Variants in PCID2 observed in about 807,000 individuals in gnomAD.
PCID2 encodes the protein PCI domain containing 2.
Under a neutral mutation model 61.3 loss-of-function variants are expected in PCID2, and 41 were observed. That is an observed-to-expected ratio of 0.67 (90% CI 0.52 to 0.87). The LOEUF (loss-of-function observed/expected upper bound fraction) is 0.87. Among genes scored for constraint, PCID2 ranks in the 40% least tolerant of loss-of-function variants. PCID2 has a pLI of 0.00. For missense variants in PCID2, 392 were observed against 493.4 expected, an observed-to-expected ratio of 0.79 and a Z score of 1.95; for synonymous variants, 187 against 177.8, an observed-to-expected ratio of 1.05 and a Z score of -0.41.
chr13:113,190,035 A>G (rs2038472764), intron 7 of PCID2, among the ~76,000 whole-genome samples: 1 of 151,922 alleles, frequency 6.6e-6, no homozygotes, highest in Admixed American at 6.6e-5. Context: ...AAAAAAAAAA[A>G]GATTAAAAAA....
intron 1 of PCID2, among the ~76,000 whole-genome samples, chr13:113,201,074 G>T (rs187282820): frequency 6.6e-6 from 1 of 152,178 alleles, no homozygotes; most frequent in East Asian, 1.9e-4. Context: ...CAAATATACA[G>T]CTTATGAAAA....
intron 9 of PCID2, among the ~76,000 whole-genome samples, chr13:113,182,848 C>A (rs1472613327): frequency 6.6e-6 from 1 of 152,098 alleles, no homozygotes; most frequent in Non-Finnish European, 1.5e-5. Flanking sequence ...TTTGAGGGAA[C>A]CTAAGTCATT....
At chr13:113,201,277 A>C (rs2039407460) in intron 1 of PCID2, among the ~76,000 whole-genome samples, 1 of 151,928 alleles carries the variant, frequency 6.6e-6, no homozygotes, top group African/African-American at 2.4e-5. Flanking sequence ...ATGATGATTA[A>C]ATGAAAAAAA....
At chr13:113,201,111 T>C (rs557389320) in intron 1 of PCID2, among the ~76,000 whole-genome samples, 29 of 152,048 alleles carry the variant, frequency 1.9e-4, no homozygotes, top group African/African-American at 7.0e-4. Flanking sequence ...ACCACATATA[T>C]CCAAAATTCA....
intron 7 of PCID2, chr13:113,186,182 G>A (rs1175543484): frequency 6.6e-6 from 1 of 152,540 alleles, no homozygotes; most frequent in Non-Finnish European, 1.5e-5. Flanking sequence ...GAACAGGCAG[G>A]AAGCAACCCA....
chr13:113,187,657 A>G (rs1377299241), intron 7 of PCID2: 3 of 152,020 alleles, frequency 2.0e-5, no homozygotes, highest in Non-Finnish European at 2.9e-5. Flanking sequence ...TGTTTGGAAG[A>G]TTTTTCAAAT....
At position 113,208,644 on chromosome 13, in the gene PCID2, G is replaced by T. The variant is rs2040151802; in HGVS notation, c.-10C>A. The T allele has an allele frequency of 1.2e-6, 2 of 1,605,116 alleles. No individual in the cohort carries two copies. The highest frequency in any genetic ancestry group is 1.3e-5 in the African/African-American group (1 of 74,658). On this transcript the variant is annotated 5_prime_UTR_variant, in exon 1 of 14. Transcript: ENST00000337344. ...TGGTAATGTGCGCCATGGGAGCGCC[G>T]CCGAACGGAGAGCGCCACCCCCTAC...
At chr13:113,178,602 CTGAG>C (rs2037324920) in intron 13 of PCID2, 2 of 361,076 alleles carry the variant, frequency 5.5e-6, no homozygotes, top group Non-Finnish European at 1.0e-5. Flanking sequence ...CTACAGTGCA[CTGAG>C]TATTTTAAGT....
At chr13:113,205,003 T>C (rs984678124) in intron 1 of PCID2, among the ~76,000 whole-genome samples, 9 of 152,190 alleles carry the variant, frequency 5.9e-5, no homozygotes, top group Non-Finnish European at 1.2e-4. Flanking sequence ...GGTTGCTGCA[T>C]GCCCCTCACG....
downstream of PCID2, among the ~76,000 whole-genome samples, chr13:113,174,606 C>T (rs902006693): frequency 6.6e-6 from 1 of 152,168 alleles, no homozygotes; most frequent in Non-Finnish European, 1.5e-5. Context: ...TTGACCCTCC[C>T]ACCTCAGCCT....
At chr13:113,196,471 G>A (rs1484393427) in intron 4 of PCID2, among the ~76,000 whole-genome samples, 3 of 152,112 alleles carry the variant, frequency 2.0e-5, no homozygotes, top group African/African-American at 4.8e-5. Context: ...AGACTTACAA[G>A]ATTTTTTAAA....
At chr13:113,165,176 G>A in the PCID2 span, 1 of 1,527,626 alleles carries the variant, frequency 6.5e-7, no homozygotes, top group South Asian at 1.1e-5. Flanking sequence ...CACCTCACTT[G>A]TCATTTCCTA....
chr13:113,178,474 A>C, intron 13 of PCID2, 187 bp from the exon 14 acceptor site: 1 of 516,658 alleles, frequency 1.9e-6, no homozygotes, highest in Non-Finnish European at 3.5e-6. Context: ...TTTCATATCC[A>C]TGAATCTAAC....
chr13:113,198,357 G>A, intron 2 of PCID2, 93 bp from the exon 3 acceptor site: 2 of 777,786 alleles, frequency 2.6e-6, no homozygotes, highest in Non-Finnish European at 4.3e-6. Flanking sequence ...TGTTTCAAGA[G>A]AATTTATGCT....
At chr13:113,171,980 G>C in the PCID2 span, 5 of 1,613,324 alleles carry the variant, frequency 3.1e-6, no homozygotes, top group African/African-American at 6.7e-5. This position sits in a 1 kb window ranked among gnomAD's most constrained non-coding sequence, Gnocchi z 5.1. Context: ...GGTCACCAGA[G>C]AACACAGAGG....
At chr13:113,178,895 A>G (rs2037357098) in intron 13 of PCID2, 71 bp downstream of exon 13, 1 of 1,504,322 alleles carries the variant, frequency 6.6e-7, no homozygotes, top group Non-Finnish European at 9.0e-7. Context: ...ACACCACCAC[A>G]CTGAAGCTTC....
In PCID2 at chr13:113,196,057, A is replaced by G. The variant is rs974433427; in HGVS notation, c.308+124T>C. On this transcript the variant is annotated intron_variant, in intron 5 of 13. Coordinates refer to ENST00000337344, the MANE Select transcript of PCID2 (RefSeq NM_001127202.4). ...ATCTGTGTAGATATTACCATATGTC[A>G]ACACACTGATTACCAAATATCCACA... 4 of 713,490 alleles carry G rather than the reference A, an allele frequency of 5.6e-6. No homozygotes were observed. The African/African-American group carries it at 6.9e-5, about 12-fold the overall frequency. The allele number at this position is 713,490 out of a possible 1,614,324, so 44.2% of individuals were successfully genotyped here. A position where few individuals can be genotyped will look rare whatever the true frequency, so the allele number is the denominator to read the frequency against.
At chr13:113,208,470 C>G in intron 1 of PCID2, 129 bp downstream of exon 1, 1 of 1,531,496 alleles carries the variant, frequency 6.5e-7, no homozygotes, top group Non-Finnish European at 8.8e-7. Flanking sequence ...GGCTGCCCGC[C>G]GGGGACCCGA....
At position 113,178,982 on chromosome 13, in the gene PCID2, G is replaced by A; in HGVS notation, c.1094C>T (p.Ala365Val). ...VDIDEVQCIL[A>V]NLIYMGHVKG... ...CTCACACACCATGTATATCAAGTTAGCCAGAATACACTGAACTTCGTCAAT... is the reference window on the plus strand; with the variant it reads ...CTCACACACCATGTATATCAAGTTAACCAGAATACACTGAACTTCGTCAAT... The change falls in exon 13 of 14, where the codon GCT becomes GTT. Residue 365 changes from alanine (A) to valine (V), a missense_variant. Around this residue, in one of 3 missense-constraint regions of PCID2, gnomAD observed 226 missense variants for 296.5 expected, o/e 0.76. Transcript: ENST00000337344. The A allele has an allele frequency of 6.2e-7, 1 of 1,613,486 alleles. No individual in the cohort carries two copies. The highest frequency in any genetic ancestry group is 8.5e-7 in the Non-Finnish European group (1 of 1,179,766).
Sources: gnomAD v4.1 joint callset for allele counts (sites outside exome capture counted in the v4.1 genomes callset) on GRCh38, gnomAD v4.1.1 for gene constraint, gnomAD v4.1.1 regional missense constraint, Gnocchi (gnomAD v3.1) non-coding constraint, MANE v1.5 for transcripts, NCBI Gene and HGNC (gene_info 2026-07-23, HGNC 2026-07-21) for gene names.